The following TPT1 variants were observed in gnomAD, a reference collection of about 807,000 sequenced individuals.
TPT1 encodes the protein translationally-controlled tumor protein.
TPT1 carries 5 observed loss-of-function variants against 22.8 expected under a neutral mutation model. That is an observed-to-expected ratio of 0.22 (90% CI 0.11 to 0.46). TPT1 has a LOEUF of 0.46. Ranked by LOEUF, TPT1 falls within the 20% of genes least tolerant of loss-of-function variation. The pLI is 0.99. For missense variants in TPT1, 130 were observed against 218.7 expected, an observed-to-expected ratio of 0.59 and a Z score of 2.56; for synonymous variants, 89 against 73.6, an observed-to-expected ratio of 1.21 and a Z score of -1.07.
In TPT1 at chr13:45,335,072, T is replaced by C. The variant is rs1878585807; in HGVS notation, c.*2314A>G. On this transcript the variant is annotated 3_prime_UTR_variant, in exon 6 of 6. Coordinates refer to ENST00000530705, the MANE Select transcript of TPT1 (RefSeq NM_003295.4). The stretch of plus-strand genomic sequence containing the variant: ...CTAGGGCCCACAGGCTACTAAAGCA[T>C]GCCTTTGTTAAACTTAGCATCAAAA... The C allele has an allele frequency of 6.6e-6, 1 of 152,248 alleles. No homozygotes were observed. The highest frequency in any genetic ancestry group is 6.5e-5 in the Admixed American group (1 of 15,278). The allele number at this position is 152,248 out of a possible 1,614,324, so 9.4% of individuals were successfully genotyped here.
chr13:45,334,328 T>A lies in TPT1; in HGVS notation c.*3058A>T, dbSNP rs971063895. 6.6e-6 allele frequency: 1 copy of A among 152,232 alleles called. No homozygotes were observed. Among genetic ancestry groups the A allele is most frequent in the South Asian group, 2.1e-4 (1 of 4,834 alleles). The allele number at this position is 152,232 out of a possible 1,614,324, so 9.4% of individuals were successfully genotyped here. A position where few individuals can be genotyped will look rare whatever the true frequency, so the allele number is the denominator to read the frequency against. Reference sequence around the variant, plus strand: ...TCTTAATTACCTTTGTTGGTTTCTCTTTGTCAACCAATCTCATGTTGGAAT... The same window carrying A: ...TCTTAATTACCTTTGTTGGTTTCTCATTGTCAACCAATCTCATGTTGGAAT... On this transcript the variant is annotated 3_prime_UTR_variant, in exon 6 of 6. Coordinates refer to ENST00000530705, the MANE Select transcript of TPT1 (RefSeq NM_003295.4).
chr13:45,334,753 G>T lies in TPT1; in HGVS notation c.*2633C>A, dbSNP rs925293276. ...CCTTTAAAAATTTGAGTCATATCAT[G>T]TAACTCTTCTGCTCAGAGCGCCTGT... On this transcript the variant is annotated 3_prime_UTR_variant, in exon 6 of 6. Transcript: ENST00000530705. 2 of 152,230 alleles carry T rather than the reference G, an allele frequency of 1.3e-5. No homozygotes were observed. Among genetic ancestry groups the T allele is most frequent in the African/African-American group, 4.8e-5 (2 of 41,450 alleles). 9.4% of individuals were successfully genotyped at this position (152,230 alleles called of 1,614,324 possible). A position where few individuals can be genotyped will look rare whatever the true frequency, so the allele number is the denominator to read the frequency against.
At position 45,340,641 on chromosome 13, in the gene TPT1, AG is replaced by A. The variant is rs1450359456; in HGVS notation, c.102+70del. ...GCGGCGGGGAGGATTGCACAACCTC[AG>A]GCGGGGGAGCGGAGGAAACCCGAGC... On this transcript the variant is annotated intron_variant, in intron 2 of 5. Transcript: ENST00000530705. The A allele has an allele frequency of 2.0e-6, 3 of 1,505,818 alleles. No individual in the cohort carries two copies. The South Asian group carries it at 3.6e-5, about 18-fold the overall frequency. 93.3% of individuals were successfully genotyped at this position (1,505,818 alleles called of 1,614,324 possible).
At position 45,337,081 on chromosome 13, in the gene TPT1, TGAG is replaced by T; in HGVS notation, c.*302_*304del. 1 of 413,678 alleles carries T rather than the reference TGAG, an allele frequency of 2.4e-6. No individual in the cohort carries two copies. Among genetic ancestry groups the T allele is most frequent in the South Asian group, 2.9e-5 (1 of 34,910 alleles). The allele number at this position is 413,678 out of a possible 1,614,324, so 25.6% of individuals were successfully genotyped here. A position where few individuals can be genotyped will look rare whatever the true frequency, so the allele number is the denominator to read the frequency against. ...AGTCTCCACTGTAGAAGTTAATTGATGAGTAGTAGCCTACAATCAGGCTCTAGC... is the reference window on the plus strand; with the variant it reads ...AGTCTCCACTGTAGAAGTTAATTGATTAGTAGCCTACAATCAGGCTCTAGC... On this transcript the variant is annotated 3_prime_UTR_variant, in exon 6 of 6. Transcript: ENST00000530705.
At position 45,335,540 on chromosome 13, in the gene TPT1, G is replaced by T; in HGVS notation, c.*1846C>A. ...CCTGGTTTCCCCAGCTTTGACCACTGCCTGAAAATTCCCTTCCTGCTATCA... is the reference window on the plus strand; with the variant it reads ...CCTGGTTTCCCCAGCTTTGACCACTTCCTGAAAATTCCCTTCCTGCTATCA... On this transcript the variant is annotated 3_prime_UTR_variant, in exon 6 of 6. Transcript: ENST00000530705. The T allele has an allele frequency of 6.6e-6, 1 of 152,162 alleles. No individual in the cohort carries two copies. The highest frequency in any genetic ancestry group is 2.1e-4 in the South Asian group (1 of 4,824). The allele number at this position is 152,162 out of a possible 1,614,324, so 9.4% of individuals were successfully genotyped here.
In TPT1 at chr13:45,334,725, G is replaced by C. The variant is rs1293225078; in HGVS notation, c.*2661C>G. ...TACCCTGCCACCTGGCAGCCAAAGT[G>C]ATCCTTTAAAAATTTGAGTCATATC... On this transcript the variant is annotated 3_prime_UTR_variant, in exon 6 of 6. Coordinates refer to ENST00000530705, the MANE Select transcript of TPT1 (RefSeq NM_003295.4). 1 of 150,508 alleles carries C rather than the reference G, an allele frequency of 6.6e-6. No homozygotes were observed. Among genetic ancestry groups the C allele is most frequent in the Non-Finnish European group, 1.5e-5 (1 of 68,034 alleles). 9.3% of individuals were successfully genotyped at this position (150,508 alleles called of 1,614,324 possible). A position where few individuals can be genotyped will look rare whatever the true frequency, so the allele number is the denominator to read the frequency against.
Position 45,338,382 on chromosome 13 carries a change from G to T in TPT1, c.516+278C>A, listed in dbSNP as rs1407539767. 6 of 465,904 alleles carry T rather than the reference G, an allele frequency of 1.3e-5. No individual in the cohort carries two copies. In the Admixed American group the frequency reaches 1.3e-4, roughly 10 times the overall value. The allele number at this position is 465,904 out of a possible 1,614,324, so 28.9% of individuals were successfully genotyped here. ...TGATGCACCCACCTCGGCGTCCCAA[G>T]TGCTGAAATTACAGGTGTGAGCCAC... On this transcript the variant is annotated intron_variant, in intron 5 of 5. Transcript: ENST00000530705.
At position 45,337,284 on chromosome 13, in the gene TPT1, A is replaced by T; in HGVS notation, c.*102T>A. The T allele has an allele frequency of 8.9e-7, 1 of 1,118,210 alleles. No homozygotes were observed. The highest frequency in any genetic ancestry group is 1.3e-6 in the Non-Finnish European group (1 of 742,476). The allele number at this position is 1,118,210 out of a possible 1,614,324, so 69.3% of individuals were successfully genotyped here. A position where few individuals can be genotyped will look rare whatever the true frequency, so the allele number is the denominator to read the frequency against. ...AGTCAAAATAAATGAAGAGCTCAAG[A>T]TGACATCAGTCCCATTTGTCTTAAG... On this transcript the variant is annotated 3_prime_UTR_variant, in exon 6 of 6. Transcript: ENST00000530705.
At chr13:45,339,625 G>C (rs762989372) in intron 3 of TPT1, 23 bp from the exon 4 acceptor site, 2 of 1,563,720 alleles carry the variant, frequency 1.3e-6, no homozygotes, top group Non-Finnish European at 1.7e-6. Context: ...TTCATTAACA[G>C]GTTGAAGTAT....
In TPT1 at chr13:45,340,784, G is replaced by C; in HGVS notation, c.30C>G (p.His10Gln). MIIYRDLIS[H>Q]DEMFSDIYKI... The stretch of plus-strand genomic sequence containing the variant: ...TGTAGATGTCGGAGAACATCTCATC[G>C]TCTGCCGGATACACAGAGCCGCCCA... The change falls in exon 2 of 6, where the codon CAC (histidine) becomes CAG (glutamine). Residue 10 changes from histidine to glutamine, a missense_variant and splice_region_variant. Physicochemically the swap from His to Gln is conservative, Grantham distance 24. Coordinates refer to ENST00000530705, the MANE Select transcript of TPT1 (RefSeq NM_003295.4). The C allele has an allele frequency of 1.3e-6, 2 of 1,514,184 alleles. No individual in the cohort carries two copies. The highest frequency in any genetic ancestry group is 1.8e-6 in the Non-Finnish European group (2 of 1,132,142). 93.8% of individuals were successfully genotyped at this position (1,514,184 alleles called of 1,614,324 possible). A position where few individuals can be genotyped will look rare whatever the true frequency, so the allele number is the denominator to read the frequency against.
rs539111274 is a variant in TPT1, at chr13:45,335,175, A to G, written c.*2211T>C. 6.6e-6 allele frequency: 1 copy of G among 152,292 alleles called. No individual in the cohort carries two copies. Among genetic ancestry groups the G allele is most frequent in the East Asian group, 1.9e-4 (1 of 5,188 alleles). The allele number at this position is 152,292 out of a possible 1,614,324, so 9.4% of individuals were successfully genotyped here. On this transcript the variant is annotated 3_prime_UTR_variant, in exon 6 of 6. Coordinates refer to ENST00000530705, the MANE Select transcript of TPT1 (RefSeq NM_003295.4). The stretch of plus-strand genomic sequence containing the variant: ...TCTTGACCCTAGGAATAACGAGAAA[A>G]AGATATAAAATGAGACAGTCTTCAA...
Position 45,337,152 on chromosome 13 carries a change from T to C in TPT1, c.*234A>G, listed in dbSNP as rs1878754697. Reference sequence around the variant, plus strand: ...AGGATCAATTTAGTTTAAATATGCATTAAACTAAAAGGCATTCTCTCAAAT... The same window carrying C: ...AGGATCAATTTAGTTTAAATATGCACTAAACTAAAAGGCATTCTCTCAAAT... On this transcript the variant is annotated 3_prime_UTR_variant, in exon 6 of 6. Transcript: ENST00000530705. The C allele has an allele frequency of 1.7e-6, 1 of 585,876 alleles. No individual in the cohort carries two copies. The highest frequency in any genetic ancestry group is 3.0e-6 in the Non-Finnish European group (1 of 330,404). 36.3% of individuals were successfully genotyped at this position (585,876 alleles called of 1,614,324 possible).
intron 4 of TPT1, chr13:45,339,019 A>T: frequency 2.5e-6 from 1 of 403,262 alleles, no homozygotes; most frequent in South Asian, 5.5e-5. Context: ...GGAAACCTTT[A>T]CTCTCAATCC....
In TPT1 at chr13:45,340,186, T is replaced by C. The variant is rs747406765; in HGVS notation, c.103-2A>G. 1 of 1,607,084 alleles carries C rather than the reference T, an allele frequency of 6.2e-7. No individual in the cohort carries two copies. Among genetic ancestry groups the C allele is most frequent in the South Asian group, 1.1e-5 (1 of 90,228 alleles). On this transcript the variant is annotated splice_acceptor_variant, in intron 2 of 5. Transcript: ENST00000530705. LOFTEE classifies it high-confidence loss of function. ...GTTACCTTCTGTCCTACTGACCATCTGCATTAAGAAAAAGCAGTATAATTG... is the reference window on the plus strand; with the variant it reads ...GTTACCTTCTGTCCTACTGACCATCCGCATTAAGAAAAAGCAGTATAATTG...
chr13:45,336,538 T>G lies in TPT1; in HGVS notation c.*848A>C, dbSNP rs1878712770. 6.6e-6 allele frequency: 1 copy of G among 152,216 alleles called. No individual in the cohort carries two copies. The highest frequency in any genetic ancestry group is 1.5e-5 in the Non-Finnish European group (1 of 68,042). The allele number at this position is 152,216 out of a possible 1,614,324, so 9.4% of individuals were successfully genotyped here. A position where few individuals can be genotyped will look rare whatever the true frequency, so the allele number is the denominator to read the frequency against. On this transcript the variant is annotated 3_prime_UTR_variant, in exon 6 of 6. Coordinates refer to ENST00000530705, the MANE Select transcript of TPT1 (RefSeq NM_003295.4). ...CAGCCAGCCCACATTCTGTGTACCT[T>G]CATCTTTTAAATCAGGGGCTGGCAA...
At position 45,337,161 on chromosome 13, in the gene TPT1, A is replaced by T. The variant is rs1191664568; in HGVS notation, c.*225T>A. 1 of 596,902 alleles carries T rather than the reference A, an allele frequency of 1.7e-6. No individual in the cohort carries two copies. Among genetic ancestry groups the T allele is most frequent in the East Asian group, 2.8e-5 (1 of 35,640 alleles). 37.0% of individuals were successfully genotyped at this position (596,902 alleles called of 1,614,324 possible). On this transcript the variant is annotated 3_prime_UTR_variant, in exon 6 of 6. Coordinates refer to ENST00000530705, the MANE Select transcript of TPT1 (RefSeq NM_003295.4). ...TTAGTTTAAATATGCATTAAACTAA[A>T]AGGCATTCTCTCAAATGAGTTTAAA... is the stretch of plus-strand genomic sequence containing the variant.
At chr13:45,339,826 A>C (rs1021499114) in intron 3 of TPT1, 168 bp downstream of exon 3, 1 of 783,810 alleles carries the variant, frequency 1.3e-6, no homozygotes, top group Non-Finnish European at 2.0e-6. Context: ...TGCAGGCTTC[A>C]GTATGCTCAT....
At chr13:45,337,564 C>A (rs755544150) in intron 5 of TPT1, 176 bp from the exon 6 acceptor site, 8 of 1,609,660 alleles carry the variant, frequency 5.0e-6, no homozygotes, top group Admixed American at 1.7e-5. Flanking sequence ...CTAGTGCAAA[C>A]CAAAAGAACA....
At position 45,340,183 on chromosome 13, in the gene TPT1, A is replaced by T. The variant is rs778014296; in HGVS notation, c.104T>A (p.Met35Lys). 6.2e-7 allele frequency: 1 copy of T among 1,608,224 alleles called. No homozygotes were observed. Residue 35 changes from methionine to lysine, a missense_variant and splice_region_variant, in exon 3 of 6, where the codon ATG (methionine) becomes AAG (lysine). By Grantham distance (95) the Met-to-Lys change is moderately conservative. Coordinates refer to ENST00000530705, the MANE Select transcript of TPT1 (RefSeq NM_003295.4). ...AATGTTACCTTCTGTCCTACTGACCATCTGCATTAAGAAAAAGCAGTATAA... is the reference window on the plus strand; with the variant it reads ...AATGTTACCTTCTGTCCTACTGACCTTCTGCATTAAGAAAAAGCAGTATAA... ...DGLCLEVEGK[M>K]VSRTEGNIDD...
Sources: gnomAD v4.1 joint callset for allele counts on GRCh38, gnomAD v4.1.1 for gene constraint, MANE v1.5 for transcripts, NCBI Gene and HGNC (gene_info 2026-07-23, HGNC 2026-07-21) for gene names.